AGTPBP1: variants seen among roughly 807,000 people sequenced by gnomAD.
The protein encoded by AGTPBP1 is cytosolic carboxypeptidase 1.
Under a neutral mutation model 143.9 loss-of-function variants are expected in AGTPBP1, and 70 were observed. That is an observed-to-expected ratio of 0.49 (90% CI 0.40 to 0.59). The LOEUF (loss-of-function observed/expected upper bound fraction) is 0.59. AGTPBP1 is among the 20% of genes least tolerant of loss of function. AGTPBP1 has a pLI of 0.00. For synonymous variants in AGTPBP1, 463 were observed against 500.2 expected, an observed-to-expected ratio of 0.93 and a Z score of 0.99; for missense variants, 1,229 against 1,464.5, an observed-to-expected ratio of 0.84 and a Z score of 2.62.
At chr9:85,586,357 A>C (rs1034974227) in intron 22 of AGTPBP1, among the ~76,000 whole-genome samples, 7 of 152,242 alleles carry the variant, frequency 4.6e-5, no homozygotes, top group African/African-American at 1.4e-4. Flanking sequence ...ACTCCTCTGC[A>C]AAGTTTTTCT....
Position 85,678,330 on chromosome 9 carries a change from C to T in AGTPBP1, c.289+5G>A. Reference sequence around the variant, plus strand: ...AGAAATTAGACCAAAGAAACAAAAACTTACCAGCTGACACCAGCTCAACAA... The same window carrying T: ...AGAAATTAGACCAAAGAAACAAAAATTTACCAGCTGACACCAGCTCAACAA... On this transcript the variant is annotated splice_donor_5th_base_variant and intron_variant, in intron 5 of 25. Transcript: ENST00000357081. 1 of 1,588,080 alleles carries T rather than the reference C, an allele frequency of 6.3e-7. No homozygotes were observed. Among genetic ancestry groups the T allele is most frequent in the Non-Finnish European group, 8.6e-7 (1 of 1,163,670 alleles).
At chr9:85,577,705 G>C (rs1827984536) in intron 24 of AGTPBP1, among the ~76,000 whole-genome samples, 1 of 152,080 alleles carries the variant, frequency 6.6e-6, no homozygotes, top group African/African-American at 2.4e-5. Context: ...TCTTATTTAA[G>C]TAATTTCTAC....
At chr9:85,701,835 T>C (rs1435893362) in intron 2 of AGTPBP1, among the ~76,000 whole-genome samples, 1 of 152,250 alleles carries the variant, frequency 6.6e-6, no homozygotes, top group Admixed American at 6.5e-5. Flanking sequence ...TTTTGGGAAC[T>C]GTTTCACCTG....
intron 2 of AGTPBP1, among the ~76,000 whole-genome samples, chr9:85,697,698 C>T (rs936471716): frequency 4.6e-5 from 7 of 151,982 alleles, no homozygotes; most frequent in African/African-American, 1.7e-4. Flanking sequence ...GTGATCCGCC[C>T]GCCTCAGCCT....
rs139234701 is a variant in AGTPBP1, at chr9:85,687,267, T to A, written c.157+5422A>T. Among the ~76,000 whole-genome samples, 591 of 152,226 alleles carry A rather than the reference T, an allele frequency of 3.9e-3. 12 individuals carry two copies. Among genetic ancestry groups the A allele is most frequent in the Admixed American group, 0.029 (446 of 15,278 alleles). On this transcript the variant is annotated intron_variant, in intron 3 of 25. Coordinates refer to ENST00000357081, the MANE Select transcript of AGTPBP1 (RefSeq NM_001330701.2). ...AAAACCTGCCAAAATTAAAAAGATATACAATTTAATAATATTTTAACACCT... is the reference window on the plus strand; with the variant it reads ...AAAACCTGCCAAAATTAAAAAGATAAACAATTTAATAATATTTTAACACCT...
intron 2 of AGTPBP1, among the ~76,000 whole-genome samples, chr9:85,706,124 G>A (rs768080250): frequency 3.3e-5 from 5 of 151,654 alleles, no homozygotes; most frequent in Non-Finnish European, 5.9e-5. Flanking sequence ...AAGGAGCTAC[G>A]CCAACGAGAA....
At chr9:85,599,587 C>G (rs1829533344) in intron 17 of AGTPBP1, among the ~76,000 whole-genome samples, 1 of 152,176 alleles carries the variant, frequency 6.6e-6, no homozygotes, top group Non-Finnish European at 1.5e-5. Context: ...TATATTACCC[C>G]CCTTAGAATA....
the AGTPBP1 span, among the ~76,000 whole-genome samples, chr9:85,797,606 C>CCCTTCA: frequency 6.6e-6 from 1 of 152,152 alleles, no homozygotes; most frequent in Non-Finnish European, 1.5e-5. Flanking sequence ...CCTGGAACCT[C>CCCTTCA]CCTTCACCTT....
intron 17 of AGTPBP1, among the ~76,000 whole-genome samples, chr9:85,605,125 C>T (rs1829913540): frequency 6.6e-6 from 1 of 152,124 alleles, no homozygotes; most frequent in African/African-American, 2.4e-5. Context: ...TATCAACATT[C>T]AAGTACAAGA....
At position 85,692,934 on chromosome 9, in the gene AGTPBP1, C is replaced by T. The variant is rs1421353870; in HGVS notation, c.33-121G>A. 1.0e-5 allele frequency: 11 copies of T among 1,083,438 alleles called. No homozygotes were observed. In the East Asian group the frequency reaches 2.8e-4, roughly 28 times the overall value. 67.1% of individuals were successfully genotyped at this position (1,083,438 alleles called of 1,614,324 possible). A position where few individuals can be genotyped will look rare whatever the true frequency, so the allele number is the denominator to read the frequency against. The stretch of plus-strand genomic sequence containing the variant: ...AAAAACAGAAAGCATTTACACGTCG[C>T]ACTTCCTTACTCTGTTCTATAGCTT... On this transcript the variant is annotated intron_variant, in intron 2 of 25. Transcript: ENST00000357081.
chr9:85,780,969 T>C, the AGTPBP1 span, among the ~76,000 whole-genome samples: 7 of 151,980 alleles, frequency 4.6e-5, no homozygotes, highest in African/African-American at 1.7e-4. Flanking sequence ...ACAAAAAAAT[T>C]AGCCGGGCGT....
chr9:85,688,330 T>C (rs937342280), intron 3 of AGTPBP1, among the ~76,000 whole-genome samples: 3 of 152,130 alleles, frequency 2.0e-5, no homozygotes, highest in African/African-American at 7.2e-5. Context: ...TTCTTTCTTG[T>C]GGTGGGCTGA....
Position 85,578,907 on chromosome 9 carries a change from T to C in AGTPBP1, c.3342+13A>G, listed in dbSNP as rs1394050692. ...AAATATCTTTCATGGTTAGAAAACC[T>C]AAGATGTTTTACCTTGTATTTTCCC... On this transcript the variant is annotated intron_variant, in intron 24 of 25. Coordinates refer to ENST00000357081, the MANE Select transcript of AGTPBP1 (RefSeq NM_001330701.2). 6.2e-7 allele frequency: 1 copy of C among 1,610,316 alleles called. No homozygotes were observed. The highest frequency in any genetic ancestry group is 8.5e-7 in the Non-Finnish European group (1 of 1,178,770).
chr9:85,638,624 A>G (rs143670036), intron 13 of AGTPBP1, among the ~76,000 whole-genome samples: 1 of 152,068 alleles, frequency 6.6e-6, no homozygotes, highest in East Asian at 1.9e-4. Flanking sequence ...GGATACTGAA[A>G]AGTTAAAAGT....
chr9:85,705,864 G>A (rs1836959026), intron 2 of AGTPBP1, among the ~76,000 whole-genome samples: 1 of 151,880 alleles, frequency 6.6e-6, no homozygotes, highest in African/African-American at 2.4e-5. Flanking sequence ...CTAATTTTTT[G>A]TATTTTTAGT....
At chr9:85,765,576 T>C in the AGTPBP1 span, among the ~76,000 whole-genome samples, 1 of 152,158 alleles carries the variant, frequency 6.6e-6, no homozygotes, top group African/African-American at 2.4e-5. Context: ...CCCCAGACTT[T>C]GTCTTTTTTC....
intron 2 of AGTPBP1, among the ~76,000 whole-genome samples, chr9:85,695,609 G>A (rs1299192503): frequency 1.3e-5 from 2 of 152,162 alleles, no homozygotes; most frequent in Non-Finnish European, 2.9e-5. Flanking sequence ...TAAAGAGAAT[G>A]CCAGTTTTAC....
chr9:85,605,057 A>C (rs1461780046), intron 17 of AGTPBP1, among the ~76,000 whole-genome samples: 2 of 152,198 alleles, frequency 1.3e-5, no homozygotes, highest in African/African-American at 4.8e-5. Flanking sequence ...GGAAGAGATA[A>C]GGTAAAAAGT....
intron 6 of AGTPBP1, among the ~76,000 whole-genome samples, chr9:85,674,122 TAAAAA>T: frequency 8.5e-6 from 1 of 117,542 alleles, no homozygotes; most frequent in Middle Eastern, 4.7e-3. Flanking sequence ...GACTCCATCT[TAAAAA>T]AAAAAAAAAA....
Sources: allele counts gnomAD v4.1 joint callset (sites outside exome capture counted in the v4.1 genomes callset), GRCh38; gene constraint gnomAD v4.1.1; transcripts MANE v1.5; gene names NCBI Gene and HGNC (gene_info 2026-07-23, HGNC 2026-07-21).